DOCK7: variants seen among roughly 807,000 people sequenced by gnomAD.
The protein encoded by DOCK7 is dedicator of cytokinesis 7.
DOCK7 carries 138 observed loss-of-function variants against 271.0 expected under a neutral mutation model. The ratio of observed to expected loss-of-function variants is 0.51; its 90% CI spans 0.44 to 0.59. DOCK7 has a LOEUF of 0.59. Among genes scored for constraint, DOCK7 ranks in the 20% least tolerant of loss-of-function variants. DOCK7 has a pLI of 0.00. For missense variants in DOCK7, 2,066 were observed against 2,592.4 expected (o/e 0.80, Z 4.41); for synonymous variants, 823 against 876.1 (o/e 0.94, Z 1.07).
At chr1:62,646,537 G>GC (rs1656689114) in intron 7 of DOCK7, among the ~76,000 whole-genome samples, 1 of 152,122 alleles carries the variant, frequency 6.6e-6, no homozygotes, top group South Asian at 2.1e-4. Context: ...ATAAGAAGAG[G>GC]AAGAGATACC....
Position 62,561,637 on chromosome 1 carries a change from C to G in DOCK7, c.2179G>C (p.Val727Leu), listed in dbSNP as rs1646325715. 1.3e-6 allele frequency: 2 copies of G among 1,568,378 alleles called. No individual in the cohort carries two copies. Among genetic ancestry groups the G allele is most frequent in the Non-Finnish European group, 1.7e-6 (2 of 1,164,650 alleles). Residue 727 changes from valine (V) to leucine (L), a missense_variant, in exon 19 of 50, where the codon GTT becomes CTT. By Grantham distance (32) the Val-to-Leu change is conservative. This residue lies in a region of DOCK7 where 1,414 missense variants were observed against 1,670.4 expected (regional missense o/e 0.85). Transcript: ENST00000635253. ...KGVFNVEVVA[V>L]SSIHTQDPYL... ...CTCACTTGTGTATGGATAGACGAAA[C>G]AGCAACAACTTCAACATTAAAAACA... is the stretch of plus-strand genomic sequence containing the variant.
Position 62,492,690 on chromosome 1 carries a change from CAA to C in DOCK7, c.5361+12_5361+13del. On this transcript the variant is annotated intron_variant, in intron 41 of 49. Transcript: ENST00000635253. The stretch of plus-strand genomic sequence containing the variant: ...TATGAAACTGTGGGAAAAGAATTAA[CAA>C]GAGTCATCTACCATAGAGAAGGAAG... 2 of 1,613,650 alleles carry C rather than the reference CAA, an allele frequency of 1.2e-6. No individual in the cohort carries two copies. The highest frequency in any genetic ancestry group is 1.7e-6 in the Non-Finnish European group (2 of 1,179,812).
intron 22 of DOCK7, among the ~76,000 whole-genome samples, chr1:62,552,107 T>C (rs1356962128): frequency 6.6e-6 from 1 of 151,920 alleles, no homozygotes; most frequent in East Asian, 1.9e-4. Context: ...AAATATACAG[T>C]ATATAAATAA....
intron 14 of DOCK7, among the ~76,000 whole-genome samples, chr1:62,618,359 G>A (rs61471917): frequency 0.42 from 63,886 of 151,832 alleles, 15,230 homozygotes; most frequent in African/African-American, 0.66. Flanking sequence ...TTAACCTAAA[G>A]GCCCAGGAAT....
At chr1:62,464,435 G>A (rs77083979) in intron 48 of DOCK7, among the ~76,000 whole-genome samples, 19,222 of 150,076 alleles carry the variant, frequency 0.13, 1,310 homozygotes, top group South Asian at 0.25. Context: ...TAATCCCAGC[G>A]CTTTGGGAGG....
intron 1 of DOCK7, among the ~76,000 whole-genome samples, chr1:62,669,536 C>G (rs1267627807): frequency 6.6e-6 from 1 of 152,204 alleles, no homozygotes; most frequent in Admixed American, 6.5e-5. Context: ...AAAACAGGTT[C>G]ATTTCTGCCA....
Position 62,634,922 on chromosome 1 carries a change from T to A in DOCK7, c.886A>T (p.Ile296Phe). The part of the protein sequence containing the change: ...ALYDVKEKKK[I>F]SENFYFDLNS... The stretch of plus-strand genomic sequence containing the variant: ...AGGTCAAAATAAAAGTTTTCTGAAA[T>A]CTAAAAAATATTAGTATGTTAAACT... The change falls in exon 9 of 50, where the codon ATT becomes TTT. Residue 296 changes from isoleucine to phenylalanine, a missense_variant and splice_region_variant. Physicochemically the swap from Ile to Phe is conservative, Grantham distance 21 (BLOSUM62 0). Coordinates refer to ENST00000635253, the MANE Select transcript of DOCK7 (RefSeq NM_001367561.1). The A allele has an allele frequency of 6.3e-7, 1 of 1,588,772 alleles. No homozygotes were observed. Among genetic ancestry groups the A allele is most frequent in the Non-Finnish European group, 8.6e-7 (1 of 1,163,342 alleles).
intron 39 of DOCK7, 48 bp from the exon 40 acceptor site, chr1:62,494,515 G>A: frequency 6.5e-7 from 1 of 1,542,752 alleles, no homozygotes. Context: ...TTCCCAAGCT[G>A]GGAGGGAGTT....
rs77871363 is a variant in DOCK7 at position 62,601,823 on chromosome 1, T to C, written c.1683-15199A>G. On this transcript the variant is annotated intron_variant, in intron 14 of 49. Coordinates refer to ENST00000635253, the MANE Select transcript of DOCK7 (RefSeq NM_001367561.1). ...AACAGAGGTGAACATACAAGTGGCA[T>C]GTATGCCATCAGACCCAGCAACTCT... The C allele has an allele frequency of 2.9e-3, 4,599 of 1,610,354 alleles. 99 individuals are homozygous for C. In the African/African-American group the frequency reaches 0.053, roughly 19 times the overall value.
chr1:62,672,912 C>A (rs1660168673), intron 1 of DOCK7, among the ~76,000 whole-genome samples: 1 of 152,034 alleles, frequency 6.6e-6, no homozygotes, highest in African/African-American at 2.4e-5. Context: ...AAAACCCAGC[C>A]TTTCACAGGT....
intron 37 of DOCK7, among the ~76,000 whole-genome samples, chr1:62,498,812 T>C (rs1191147198): frequency 6.6e-6 from 1 of 151,956 alleles, no homozygotes; most frequent in Non-Finnish European, 1.5e-5. Flanking sequence ...TCTTTCTTTT[T>C]TTTTTTTGAG....
chr1:62,618,991 T>C lies in DOCK7; in HGVS notation c.1520-123A>G, dbSNP rs1652803819. On this transcript the variant is annotated intron_variant, in intron 13 of 49. Coordinates refer to ENST00000635253, the MANE Select transcript of DOCK7 (RefSeq NM_001367561.1). ...TGGGAAGAATATTACAGAAACCAAA[T>C]TTATATTATTATCATCTCATGCCTC... 1.4e-5 allele frequency: 11 copies of C among 786,424 alleles called. No individual in the cohort carries two copies. In the South Asian group the frequency reaches 2.0e-4, roughly 14 times the overall value. 48.7% of individuals were successfully genotyped at this position (786,424 alleles called of 1,614,324 possible). A position where few individuals can be genotyped will look rare whatever the true frequency, so the allele number is the denominator to read the frequency against.
At position 62,598,201 on chromosome 1, in the gene DOCK7, A is replaced by T. The variant is rs546708475; in HGVS notation, c.1683-11577T>A. On this transcript the variant is annotated intron_variant, in intron 14 of 49. Transcript: ENST00000635253. ...TTTCCAAGAAAAATAATCTCCAGAA[A>T]ATAAAATTTCCTATTATAATTTCAA... 1.8e-5 allele frequency: 16 copies of T among 892,036 alleles called. No individual in the cohort carries two copies. In the African/African-American group the frequency reaches 2.7e-4, roughly 15 times the overall value. 55.3% of individuals were successfully genotyped at this position (892,036 alleles called of 1,614,324 possible).
At chr1:62,661,143 A>C (rs903312652) in intron 2 of DOCK7, among the ~76,000 whole-genome samples, 3 of 152,186 alleles carry the variant, frequency 2.0e-5, no homozygotes, top group African/African-American at 7.2e-5. Flanking sequence ...TAAACCTTTA[A>C]AACATTCTGC....
chr1:62,630,270 G>T (rs866363169), intron 11 of DOCK7, among the ~76,000 whole-genome samples: 4 of 152,270 alleles, frequency 2.6e-5, no homozygotes, highest in Admixed American at 6.5e-5. Flanking sequence ...GAAGTTACTA[G>T]GGGGAGGATG....
chr1:62,686,945 A>AT (rs1436512629), intron 1 of DOCK7, among the ~76,000 whole-genome samples: 2 of 151,490 alleles, frequency 1.3e-5, no homozygotes, highest in South Asian at 2.1e-4. Flanking sequence ...CACCTGGCTA[A>AT]TTTTTTTGCA....
At chr1:62,579,273 A>G (rs1482884612) in intron 16 of DOCK7, among the ~76,000 whole-genome samples, 8 of 152,182 alleles carry the variant, frequency 5.3e-5, no homozygotes, top group Non-Finnish European at 1.0e-4. Flanking sequence ...TGCATAAAAG[A>G]GGACACTAAG....
At position 62,646,648 on chromosome 1, in the gene DOCK7, C is replaced by T. The variant is rs183016352; in HGVS notation, c.818+1043G>A. Among the ~76,000 whole-genome samples, 68 of 152,278 alleles carry T rather than the reference C, an allele frequency of 4.5e-4. No homozygotes were observed. In the East Asian group the frequency reaches 0.011, roughly 25 times the overall value. ...CCAGAGAGAGATGCCTCATGAGAAA[C>T]CAACCCACTGGCACCCTGATCTTTG... is the stretch of plus-strand genomic sequence containing the variant. On this transcript the variant is annotated intron_variant, in intron 7 of 49. Transcript: ENST00000635253.
intron 31 of DOCK7, among the ~76,000 whole-genome samples, chr1:62,520,482 C>G (rs1033020366): frequency 1.0e-5 from 1 of 96,050 alleles, no homozygotes; most frequent in Admixed American, 1.1e-4. Context: ...ATGAGGCCAA[C>G]AAACATATGA....
Sources: allele counts gnomAD v4.1 joint callset (sites outside exome capture counted in the v4.1 genomes callset), GRCh38; gene constraint gnomAD v4.1.1; regional missense constraint gnomAD v4.1.1; transcripts MANE v1.5; gene names NCBI Gene and HGNC (gene_info 2026-07-23, HGNC 2026-07-21).